ACSM1: variants seen among roughly 807,000 people sequenced by gnomAD.
ACSM1 encodes the protein acyl-coenzyme A synthetase ACSM1, mitochondrial.
In ACSM1, 79 loss-of-function variants were observed where a neutral mutation model predicts 75.8. The observed-to-expected ratio is 1.04, with a 90% CI of 0.87 to 1.26. The LOEUF (loss-of-function observed/expected upper bound fraction) is 1.26. ACSM1 is among the 50% of genes most tolerant of loss of function. The pLI, the probability that ACSM1 is intolerant of heterozygous loss-of-function variation, is 0.00. For missense variants in ACSM1, 676 were observed against 720.1 expected, an observed-to-expected ratio of 0.94 and a Z score of 0.70; for synonymous variants, 279 against 265.8, an observed-to-expected ratio of 1.05 and a Z score of -0.48.
At chr16:20,633,075 G>A (rs1005089169) in intron 10 of ACSM1, among the ~76,000 whole-genome samples, 12 of 152,168 alleles carry the variant, frequency 7.9e-5, no homozygotes, top group Admixed American at 2.6e-4. Flanking sequence ...AATGGTGAAA[G>A]TTGGAAAGAT....
At chr16:20,665,092 A>T (rs1033166182) in intron 6 of ACSM1, among the ~76,000 whole-genome samples, 2 of 152,002 alleles carry the variant, frequency 1.3e-5, no homozygotes, top group African/African-American at 2.4e-5. Context: ...AGGAACTAGG[A>T]AAAAAAAGAA....
Position 20,661,837 on chromosome 16 carries a change from C to A in ACSM1, c.949G>T (p.Val317Leu), listed in dbSNP as rs1167970968. ...AGAATCATTCGATATATAGATGATACCCCCCAAAAGTGGTTAATGGGGTAT... is the reference window on the plus strand; with the variant it reads ...AGAATCATTCGATATATAGATGATAACCCCCAAAAGTGGTTAATGGGGTAT... The part of the protein sequence containing the change: ...LKYPINHFWG[V>L]SSIYRMILQQ... Residue 317 changes from valine (V) to leucine (L), a missense_variant, in exon 7 of 14, where the codon GTA becomes TTA. Val to Leu is a conservative substitution (Grantham distance 32). Coordinates refer to ENST00000520010, the MANE Select transcript of ACSM1 (RefSeq NM_001318890.3). 3.7e-6 allele frequency: 6 copies of A among 1,609,442 alleles called. No homozygotes were observed. The highest frequency in any genetic ancestry group is 4.5e-5 in the East Asian group (2 of 44,748).
At position 20,624,130 on chromosome 16, in the gene ACSM1, T is replaced by C; in HGVS notation, c.1613A>G (p.Lys538Arg). 1 of 1,613,438 alleles carries C rather than the reference T, an allele frequency of 6.2e-7. No individual in the cohort carries two copies. Among genetic ancestry groups the C allele is most frequent in the Non-Finnish European group, 8.5e-7 (1 of 1,179,504 alleles). The change falls in exon 13 of 14, where the codon AAG (lysine) becomes AGG (arginine). Residue 538 changes from lysine (K) to arginine (R), a missense_variant. Transcript: ENST00000520010. ...QLTKELQQHV[K>R]SVTAPYKYPR... ...GTACTTGTATGGGGCTGTCACTGACTTGACATGCTGCTGCAGTTCCTTGGT... is the reference window on the plus strand; with the variant it reads ...GTACTTGTATGGGGCTGTCACTGACCTGACATGCTGCTGCAGTTCCTTGGT...
At chr16:20,632,388 A>G (rs1326878746) in intron 10 of ACSM1, among the ~76,000 whole-genome samples, 1 of 152,220 alleles carries the variant, frequency 6.6e-6, no homozygotes, top group South Asian at 2.1e-4. Context: ...GAAAAGAATT[A>G]TAAGAGAATA....
chr16:20,627,440 G>T, intron 10 of ACSM1, 124 bp from the exon 11 acceptor site: 6 of 1,184,230 alleles, frequency 5.1e-6, no homozygotes, highest in Non-Finnish European at 6.8e-6. Flanking sequence ...GGCAAGTTTT[G>T]CCATTTCTGA....
rs765306235 is a variant in ACSM1 at position 20,663,603 on chromosome 16, G to A, written c.913-1730C>T. Among the ~76,000 whole-genome samples, 11 of 152,250 alleles carry A rather than the reference G, an allele frequency of 7.2e-5. 1 individual carries two copies. Among genetic ancestry groups the A allele is most frequent in the South Asian group, 4.1e-4 (2 of 4,822 alleles). Reference sequence around the variant, plus strand: ...TGGTTATCTGGGAAGGGGGAATGTCGCCCTGAAATGCTGTGATTGCTATGT... The same window carrying A: ...TGGTTATCTGGGAAGGGGGAATGTCACCCTGAAATGCTGTGATTGCTATGT... On this transcript the variant is annotated intron_variant, in intron 6 of 13. Coordinates refer to ENST00000520010, the MANE Select transcript of ACSM1 (RefSeq NM_001318890.3).
chr16:20,662,980 A>T (rs979638345), intron 6 of ACSM1, among the ~76,000 whole-genome samples: 7 of 152,144 alleles, frequency 4.6e-5, no homozygotes, highest in Non-Finnish European at 1.5e-5. Flanking sequence ...TGTTGGTAGA[A>T]GAGCTGAGGC....
chr16:20,654,925 G>A (rs1232023597), intron 7 of ACSM1, among the ~76,000 whole-genome samples: 2 of 152,026 alleles, frequency 1.3e-5, no homozygotes, highest in African/African-American at 2.4e-5. Context: ...TATAAATCAT[G>A]CTGCTATAAA....
At chr16:20,653,777 A>C (rs550549505) in intron 7 of ACSM1, among the ~76,000 whole-genome samples, 1 of 152,232 alleles carries the variant, frequency 6.6e-6, no homozygotes, top group South Asian at 2.1e-4. Flanking sequence ...ATGGAAGAAC[A>C]TTCCATGCTC....
intron 2 of ACSM1, among the ~76,000 whole-genome samples, chr16:20,689,750 GT>G (rs1420772882): frequency 6.6e-6 from 1 of 150,958 alleles, no homozygotes; most frequent in Non-Finnish European, 1.5e-5. Flanking sequence ...AACCCATCTT[GT>G]TTCAAAAATT....
At chr16:20,633,291 T>TA (rs2017462838) in intron 10 of ACSM1, among the ~76,000 whole-genome samples, 1 of 152,170 alleles carries the variant, frequency 6.6e-6, no homozygotes, top group African/African-American at 2.4e-5. Context: ...AAAAAAATGT[T>TA]AAAGCTAATA....
chr16:20,640,969 G>A (rs2018022646), intron 7 of ACSM1, among the ~76,000 whole-genome samples: 1 of 152,144 alleles, frequency 6.6e-6, no homozygotes, highest in African/African-American at 2.4e-5. Flanking sequence ...GGACATGCTA[G>A]GGTGATAATA....
rs1408328326 is a variant in ACSM1 at position 20,627,842 on chromosome 16, C to A, written c.1300-526G>T. ...AGACTTCATCTCTCTCTCTCTCTCT[C>A]TCTCTCTCTCTCTCTCTGTATGTAT... is the stretch of plus-strand genomic sequence containing the variant. On this transcript the variant is annotated intron_variant, in intron 10 of 13. Coordinates refer to ENST00000520010, the MANE Select transcript of ACSM1 (RefSeq NM_001318890.3). 2.2e-5 allele frequency among the ~76,000 whole-genome samples: 3 copies of A among 135,474 alleles called. No homozygotes were observed. In the South Asian group the frequency reaches 7.2e-4, roughly 33 times the overall value. The allele number at this position is 135,474 out of a possible 152,430, so 88.9% of individuals were successfully genotyped here. A position where few individuals can be genotyped will look rare whatever the true frequency, so the allele number is the denominator to read the frequency against.
intron 6 of ACSM1, among the ~76,000 whole-genome samples, chr16:20,665,980 T>C (rs1023894866): frequency 2.0e-5 from 3 of 152,076 alleles, no homozygotes; most frequent in Non-Finnish European, 4.4e-5. Context: ...TGAAAGAACA[T>C]ACCTCTAAAT....
At chr16:20,665,936 T>C (rs1186984061) in intron 6 of ACSM1, among the ~76,000 whole-genome samples, 1 of 152,078 alleles carries the variant, frequency 6.6e-6, no homozygotes, top group East Asian at 1.9e-4. Flanking sequence ...ATCCAATCTC[T>C]CTTCATGATA....
At chr16:20,693,228 A>C (rs72778634) in intron 1 of ACSM1, among the ~76,000 whole-genome samples, 1 of 152,094 alleles carries the variant, frequency 6.6e-6, no homozygotes, top group Non-Finnish European at 1.5e-5. Context: ...TGCACTTTCC[A>C]ATGGACTGGG....
intron 9 of ACSM1, 52 bp downstream of exon 9, chr16:20,637,319 C>T: frequency 2.7e-6 from 4 of 1,489,778 alleles, no homozygotes; most frequent in Non-Finnish European, 3.7e-6. Context: ...GTCAAATTGT[C>T]CAACCCCCGC....
At chr16:20,637,193 T>C (rs761679213) in intron 9 of ACSM1, 178 bp downstream of exon 9, 6 of 772,620 alleles carry the variant, frequency 7.8e-6, no homozygotes, top group African/African-American at 3.4e-5. Context: ...GCGGTGTTCA[T>C]GCTCACAATA....
rs779601723 is a variant in ACSM1, at chr16:20,691,180, C to T, written c.9G>A (p.Trp3Ter). The T allele has an allele frequency of 1.9e-6, 3 of 1,585,860 alleles. No individual in the cohort carries two copies. Among genetic ancestry groups the T allele is most frequent in the Non-Finnish European group, 2.6e-6 (3 of 1,169,274 alleles). ...CCCAGAGGGTCCGGAACCTCATTAG[C>T]CACTGCATGGTGAAACAGTCCTCAG... MQ[W>*]LMRFRTLWGI... Residue 3 changes from tryptophan (W) to a stop codon, truncating the protein, a stop_gained, in exon 2 of 14, where the codon TGG becomes TGA. Transcript: ENST00000520010. LOFTEE classifies it high-confidence loss of function.
Sources: gnomAD v4.1 joint callset for allele counts (sites outside exome capture counted in the v4.1 genomes callset) on GRCh38, gnomAD v4.1.1 for gene constraint, MANE v1.5 for transcripts, NCBI Gene and HGNC (gene_info 2026-07-23, HGNC 2026-07-21) for gene names.